Variants in WDR73 observed in about 807,000 individuals in gnomAD.
WDR73 encodes WD repeat domain 73.
In WDR73, 30 loss-of-function variants were observed where a neutral mutation model predicts 38.2. The observed-to-expected ratio is 0.79, with a 90% CI of 0.59 to 1.06. The LOEUF (loss-of-function observed/expected upper bound fraction) is 1.06. Among genes scored for constraint, WDR73 ranks in the 50% least tolerant of loss-of-function variants. The probability of loss-of-function intolerance (pLI) is 0.00; values close to 1 mark genes in which losing one functional copy is unlikely to be tolerated. For missense variants in WDR73, 487 were observed against 467.0 expected, an observed-to-expected ratio of 1.04 and a Z score of -0.40; for synonymous variants, 197 against 176.0, an observed-to-expected ratio of 1.12 and a Z score of -0.94.
Position 84,645,724 on chromosome 15 carries a change from T to G in WDR73, c.630A>C (p.Ala210=). ...GGCCAGGGCTGCGATTCTCCAACGGTGCCCACTTCTGCCGGGTGTCAACAA... is the reference window on the plus strand; with the variant it reads ...GGCCAGGGCTGCGATTCTCCAACGGGGCCCACTTCTGCCGGGTGTCAACAA... ...LGLVDTRQKW[A]PLENRSPGPG... is the part of the protein sequence containing the mutation. The change falls in exon 7 of 8, where the codon GCA becomes GCC. Residue 210 remains alanine (A), a synonymous_variant. Coordinates refer to ENST00000434634, the MANE Select transcript of WDR73 (RefSeq NM_032856.5). 1.2e-6 allele frequency: 2 copies of G among 1,610,048 alleles called. No homozygotes were observed. Among genetic ancestry groups the G allele is most frequent in the Non-Finnish European group, 1.7e-6 (2 of 1,178,286 alleles).
intron 2 of WDR73, 82 bp from the exon 3 acceptor site, chr15:84,652,884 C>A: frequency 1.2e-6 from 1 of 804,968 alleles, no homozygotes; most frequent in South Asian, 1.8e-5. Context: ...AGGATACATT[C>A]CTTCACTGTG....
chr15:84,646,470 CA>C, intron 5 of WDR73, 122 bp from the exon 6 acceptor site: 1 of 1,447,684 alleles, frequency 6.9e-7, no homozygotes, highest in South Asian at 1.4e-5. Context: ...TGCCGGCTGG[CA>C]AGAGATGATG....
intron 6 of WDR73, 70 bp from the exon 7 acceptor site, chr15:84,645,906 T>C: frequency 3.1e-6 from 5 of 1,603,340 alleles, no homozygotes; most frequent in Non-Finnish European, 4.2e-6. Context: ...CAGGGCTGGC[T>C]GGTCACAGGT....
Position 84,642,355 on chromosome 15 carries a change from A to G in WDR73, c.*1115T>C, listed in dbSNP as rs1896285865. The G allele has an allele frequency of 6.6e-6, 1 of 152,074 alleles. No individual in the cohort carries two copies. The highest frequency in any genetic ancestry group is 6.6e-5 in the Admixed American group (1 of 15,244). The allele number at this position is 152,074 out of a possible 1,614,324, so 9.4% of individuals were successfully genotyped here. A position where few individuals can be genotyped will look rare whatever the true frequency, so the allele number is the denominator to read the frequency against. ...ACTCCATCTCTACTACAAAAAAAAAAAAAAAAAAAATTCAACCACCTTAGG... is the reference window on the plus strand; with the variant it reads ...ACTCCATCTCTACTACAAAAAAAAAGAAAAAAAAAATTCAACCACCTTAGG... On this transcript the variant is annotated 3_prime_UTR_variant, in exon 8 of 8. Transcript: ENST00000434634.
chr15:84,643,728 G>A lies in WDR73; in HGVS notation c.884-5C>T, dbSNP rs1262130668. ...CCTGGACTGTACCATCAAAACCTGA[G>A]AATACAGAAAAGAGAGGCTTGACAA... On this transcript the variant is annotated splice_polypyrimidine_tract_variant and splice_region_variant and intron_variant, in intron 7 of 7. Transcript: ENST00000434634. The A allele has an allele frequency of 6.2e-7, 1 of 1,610,244 alleles. No homozygotes were observed. Among genetic ancestry groups the A allele is most frequent in the East Asian group, 2.2e-5 (1 of 44,788 alleles).
Position 84,647,931 on chromosome 15 carries a change from G to A in WDR73, c.311C>T (p.Pro104Leu). ...CTGCCACACCTGCAGATAACAACCT[G>A]GAAGGCCACTGGTAACCAGCAATCT... The part of the protein sequence containing the change: ...HTRLLVTSGL[P>L]GCYLQVWQVA... The change falls in exon 5 of 8, where the codon CCA (proline) becomes CTA (leucine). Residue 104 changes from proline to leucine, a missense_variant. Physicochemically the swap from Pro to Leu is moderately conservative, Grantham distance 98. Transcript: ENST00000434634. 6.2e-7 allele frequency: 1 copy of A among 1,613,974 alleles called. No individual in the cohort carries two copies. Among genetic ancestry groups the A allele is most frequent in the Non-Finnish European group, 8.5e-7 (1 of 1,179,898 alleles).
intron 6 of WDR73, 95 bp from the exon 7 acceptor site, chr15:84,645,931 C>T: frequency 6.3e-7 from 1 of 1,583,236 alleles, no homozygotes. Context: ...TCCCACCAGT[C>T]CCAGGCAGAA....
chr15:84,652,220 T>C (rs1460857514), intron 3 of WDR73, among the ~76,000 whole-genome samples: 2 of 152,322 alleles, frequency 1.3e-5, no homozygotes, highest in Non-Finnish European at 2.9e-5. Context: ...CTAACTCTTT[T>C]TTTCTTGAGA....
rs1365739225 is a variant in WDR73, at chr15:84,645,824, C to G, written c.530G>C (p.Ser177Thr). 1 of 1,613,756 alleles carries G rather than the reference C, an allele frequency of 6.2e-7. No individual in the cohort carries two copies. The highest frequency in any genetic ancestry group is 1.3e-5 in the African/African-American group (1 of 74,948). Residue 177 changes from serine to threonine, a missense_variant, in exon 7 of 8, where the codon AGT (serine) becomes ACT (threonine). Physicochemically the swap from Ser to Thr is moderately conservative, Grantham distance 58. Coordinates refer to ENST00000434634, the MANE Select transcript of WDR73 (RefSeq NM_032856.5). Reference protein sequence around the residue: ...KTTYTSDVSDSEELSSLQVLD... With the variant: ...KTTYTSDVSDTEELSSLQVLD... ...GACCTGCAGGCTACTCAGCTCCTCA[C>G]TGTCACTGACATCTGGAAGACCGAC...
chr15:84,653,370 A>G, intron 2 of WDR73: 1 of 374,424 alleles, frequency 2.7e-6, no homozygotes, highest in South Asian at 2.6e-5. Flanking sequence ...GGGTTTCACC[A>G]TGTTGGCCAG....
intron 7 of WDR73, chr15:84,644,111 C>G (rs991010142): frequency 1.5e-5 from 3 of 204,926 alleles, no homozygotes; most frequent in African/African-American, 2.4e-5. Context: ...AGTATTAGCT[C>G]TTTTAATCCT....
In WDR73 at chr15:84,654,262, C is replaced by T. The variant is rs767869877; in HGVS notation, c.13G>A (p.Asp5Asn). The change falls in exon 1 of 8, where the codon GAC becomes AAC. Residue 5 changes from aspartate to asparagine, a missense_variant. Coordinates refer to ENST00000434634, the MANE Select transcript of WDR73 (RefSeq NM_032856.5). MDPGDDWLVESLRLY... is the reference protein window; with the variant it reads MDPGNDWLVESLRLY... ...CGCAAGGATTCCACCAGCCAGTCGT[C>T]CCCAGGATCCATGGCAACGACCGCT... 8 of 1,613,968 alleles carry T rather than the reference C, an allele frequency of 5.0e-6. No individual in the cohort carries two copies. The East Asian group carries it at 1.8e-4, about 36-fold the overall frequency.
At position 84,645,763 on chromosome 15, in the gene WDR73, T is replaced by C. The variant is rs2271432; in HGVS notation, c.591A>G (p.Ser197=). 0.84 allele frequency: 1,354,343 copies of C among 1,612,166 alleles called. 570,377 individuals carry two copies. Among genetic ancestry groups the C allele is most frequent in the African/African-American group, 0.97 (72,764 of 75,016 alleles). ...DADTFAFCCA[S]GRLGLVDTRQ... The stretch of plus-strand genomic sequence containing the variant: ...GGGTGTCAACAAGCCCCAGCCGGCC[T>C]GAAGCACAGCAGAAGGCAAAGGTGT... Residue 197 remains serine (S), a synonymous_variant, in exon 7 of 8, where the codon TCA becomes TCG. Transcript: ENST00000434634.
Position 84,646,319 on chromosome 15 carries a change from C to T in WDR73, c.382G>A (p.Val128Met). 2 of 1,613,818 alleles carry T rather than the reference C, an allele frequency of 1.2e-6. No homozygotes were observed. Among genetic ancestry groups the T allele is most frequent in the Non-Finnish European group, 1.7e-6 (2 of 1,179,786 alleles). ...CAGAGACTCTCCTCTTTCTCATGCA[C>T]AGCAATGGTGCTGACAGCTTTAATG... The part of the protein sequence containing the change: ...DVIKAVSTIA[V>M]HEKEESLWPR... The change falls in exon 6 of 8, where the codon GTG (valine) becomes ATG (methionine). Residue 128 changes from valine (V) to methionine (M), a missense_variant. By Grantham distance (21) the Val-to-Met change is conservative (BLOSUM62 1). Transcript: ENST00000434634.
chr15:84,652,653 T>G, intron 3 of WDR73, 61 bp downstream of exon 3: 4 of 1,027,660 alleles, frequency 3.9e-6, no homozygotes, highest in Non-Finnish European at 5.6e-6. Context: ...TAACAGGAGC[T>G]CCACAAATGT....
At chr15:84,652,920 C>G in intron 2 of WDR73, 118 bp from the exon 3 acceptor site, 1 of 588,754 alleles carries the variant, frequency 1.7e-6, no homozygotes, top group Non-Finnish European at 3.0e-6. Flanking sequence ...GAATTGAGTA[C>G]CTGGTTGTGT....
chr15:84,644,945 TTTTTTTTTTC>T (rs1896398480), intron 7 of WDR73: 2 of 156,018 alleles, frequency 1.3e-5, no homozygotes, highest in South Asian at 1.8e-4. Context: ...GCTGCTTTTT[TTTTTTTTTTC>T]TTTTTTTTTC....
chr15:84,644,301 G>A (rs539704257), intron 7 of WDR73: 56 of 154,032 alleles, frequency 3.6e-4, no homozygotes, highest in Non-Finnish European at 6.6e-4. Flanking sequence ...ATACCTTCAC[G>A]TCCCTGCACG....
Position 84,643,395 on chromosome 15 carries a change from G to GT in WDR73, c.*74_*75insA. 1 of 1,504,314 alleles carries GT rather than the reference G, an allele frequency of 6.6e-7. No homozygotes were observed. Among genetic ancestry groups the GT allele is most frequent in the Non-Finnish European group, 8.9e-7 (1 of 1,120,456 alleles). 93.2% of individuals were successfully genotyped at this position (1,504,314 alleles called of 1,614,324 possible). ...TGGTAACAGGGACTGGTAGTCACTT[G>GT]AGTCCTACATGAGCACCCTTGCTAC... On this transcript the variant is annotated 3_prime_UTR_variant, in exon 8 of 8. Transcript: ENST00000434634.
Sources: gnomAD v4.1 joint callset for allele counts (sites outside exome capture counted in the v4.1 genomes callset) on GRCh38, gnomAD v4.1.1 for gene constraint, MANE v1.5 for transcripts, NCBI Gene and HGNC (gene_info 2026-07-23, HGNC 2026-07-21) for gene names.